The following MPHOSPH8 variants were observed in gnomAD, a reference collection of about 807,000 sequenced individuals.
MPHOSPH8 encodes the protein M-phase phosphoprotein 8.
In MPHOSPH8, 45 loss-of-function variants were observed where a neutral mutation model predicts 87.3. The observed-to-expected ratio is 0.52, with a 90% CI of 0.41 to 0.66. The LOEUF (loss-of-function observed/expected upper bound fraction) is 0.66, where lower values mean the gene tolerates loss of function less well. Ranked by LOEUF, MPHOSPH8 falls within the 30% of genes least tolerant of loss-of-function variation. The probability of loss-of-function intolerance (pLI) is 0.00; values close to 1 mark genes in which losing one functional copy is unlikely to be tolerated. For synonymous variants in MPHOSPH8, 366 were observed against 376.9 expected (o/e 0.97, Z 0.33); for missense variants, 883 against 1,020.2 (o/e 0.87, Z 1.83).
chr13:19,656,289 A>C (rs1308240118), intron 5 of MPHOSPH8, among the ~76,000 whole-genome samples: 1 of 150,974 alleles, frequency 6.6e-6, no homozygotes, highest in Non-Finnish European at 1.5e-5. Context: ...AAAAAAAAAA[A>C]AAAAAAAAAA....
At chr13:19,665,792 T>C (rs1001024024) in intron 9 of MPHOSPH8, among the ~76,000 whole-genome samples, 1 of 152,292 alleles carries the variant, frequency 6.6e-6, no homozygotes, top group African/African-American at 2.4e-5. Context: ...TCAGAAGAAT[T>C]AAGGGACTTA....
intron 10 of MPHOSPH8, among the ~76,000 whole-genome samples, chr13:19,667,004 A>G (rs1032439920): frequency 6.6e-6 from 1 of 152,100 alleles, no homozygotes; most frequent in African/African-American, 2.4e-5. Context: ...TCTACTAAAA[A>G]TACAAAAATT....
chr13:19,647,261 A>G lies in MPHOSPH8; in HGVS notation c.1188A>G (p.Arg396=), dbSNP rs771563719. Residue 396 remains arginine, a synonymous_variant, in exon 3 of 14, where the codon AGA becomes AGG. Transcript: ENST00000361479. ...GCCGGAGGTTGAGCGGGGAAGAGAGAGGCCTCTGGTCCACGGACTCAGCCG... is the reference window on the plus strand; with the variant it reads ...GCCGGAGGTTGAGCGGGGAAGAGAGGGGCCTCTGGTCCACGGACTCAGCCG... The part of the protein sequence containing the change: ...PKGRRLSGEE[R]GLWSTDSAEE... The G allele has an allele frequency of 6.2e-7, 1 of 1,609,230 alleles. No individual in the cohort carries two copies. The highest frequency in any genetic ancestry group is 1.7e-5 in the Admixed American group (1 of 58,464).
intron 3 of MPHOSPH8, 70 bp from the exon 4 acceptor site, chr13:19,648,352 C>A: frequency 2.1e-6 from 2 of 951,726 alleles, no homozygotes; most frequent in Non-Finnish European, 3.2e-6. Context: ...CCTGTATTTT[C>A]CGGTTCTCAA....
rs757881700 is a variant in MPHOSPH8 at position 19,646,910 on chromosome 13, T to G, written c.837T>G (p.Ser279Arg). Reference sequence around the variant, plus strand: ...ATTCTCCCTTTCCAGAGGATGACAGTGAAGGGCTACATTCCGACAGCAGAG... The same window carrying G: ...ATTCTCCCTTTCCAGAGGATGACAGGGAAGGGCTACATTCCGACAGCAGAG... ...LNDSPFPEDDSEGLHSDSREE... is the reference protein window; with the variant it reads ...LNDSPFPEDDREGLHSDSREE... Residue 279 changes from serine (S) to arginine (R), a missense_variant, in exon 3 of 14, where the codon AGT becomes AGG. This residue lies in a region of MPHOSPH8 where 741 missense variants were observed against 841.5 expected (regional missense o/e 0.88). Transcript: ENST00000361479. 12 of 1,603,268 alleles carry G rather than the reference T, an allele frequency of 7.5e-6. No individual in the cohort carries two copies. The highest frequency in any genetic ancestry group is 1.0e-5 in the Non-Finnish European group (12 of 1,177,658).
At chr13:19,666,393 A>G (rs1445435503) in intron 9 of MPHOSPH8, 32 bp from the exon 10 acceptor site, 2 of 1,582,124 alleles carry the variant, frequency 1.3e-6, no homozygotes, top group Non-Finnish European at 8.7e-7. Flanking sequence ...GTTTACAGCT[A>G]AGTAATTGTT....
At chr13:19,645,497 C>T (rs983500515) in intron 2 of MPHOSPH8, among the ~76,000 whole-genome samples, 38 of 152,210 alleles carry the variant, frequency 2.5e-4, no homozygotes, top group African/African-American at 8.4e-4. Context: ...TCTGGCCAGG[C>T]GCCGTGGCTC....
In MPHOSPH8 at chr13:19,646,438, T is replaced by C; in HGVS notation, c.370-5T>C. On this transcript the variant is annotated splice_polypyrimidine_tract_variant and splice_region_variant and intron_variant, in intron 2 of 13. Transcript: ENST00000361479. ...GAATATTTTAATCTGTTTTGTATTT[T>C]ATAGAGACTATCCTTAAATAACGAC... 4 of 1,464,266 alleles carry C rather than the reference T, an allele frequency of 2.7e-6. No homozygotes were observed. The highest frequency in any genetic ancestry group is 3.6e-6 in the Non-Finnish European group (4 of 1,110,914). The allele number at this position is 1,464,266 out of a possible 1,614,324, so 90.7% of individuals were successfully genotyped here.
Position 19,673,011 on chromosome 13 carries a change from G to A in MPHOSPH8, c.*1136G>A, listed in dbSNP as rs1479819920. Reference sequence around the variant, plus strand: ...GTCAAGGCTGCAGTGAGCCGTGAAAGGCCACTGCACTCCAGCCTGAGTGAC... The same window carrying A: ...GTCAAGGCTGCAGTGAGCCGTGAAAAGCCACTGCACTCCAGCCTGAGTGAC... On this transcript the variant is annotated 3_prime_UTR_variant, in exon 14 of 14. Transcript: ENST00000361479. 1.4e-5 allele frequency: 6 copies of A among 432,334 alleles called. No individual in the cohort carries two copies. Among genetic ancestry groups the A allele is most frequent in the Admixed American group, 1.1e-4 (4 of 35,900 alleles). The allele number at this position is 432,334 out of a possible 1,614,324, so 26.8% of individuals were successfully genotyped here.
intron 1 of MPHOSPH8, among the ~76,000 whole-genome samples, chr13:19,638,666 A>G (rs78024303): frequency 0.01 from 1,572 of 152,188 alleles, 22 homozygotes; most frequent in Middle Eastern, 0.017. Flanking sequence ...TCTTGAGTTC[A>G]GATTCTACTC....
intron 5 of MPHOSPH8, among the ~76,000 whole-genome samples, chr13:19,655,324 T>TGG (rs2137525343): frequency 6.6e-6 from 1 of 152,128 alleles, no homozygotes; most frequent in East Asian, 1.9e-4. Context: ...TTAAAAAAGC[T>TGG]GGGTGTGGTA....
chr13:19,661,896 T>C, intron 8 of MPHOSPH8, 58 bp downstream of exon 8: 1 of 1,525,528 alleles, frequency 6.6e-7, no homozygotes, highest in South Asian at 1.3e-5. Context: ...GCCGATGGAC[T>C]GAGAGGATCT....
chr13:19,663,034 T>G lies in MPHOSPH8; in HGVS notation c.1933-6T>G, dbSNP rs766611442. 2 of 1,606,146 alleles carry G rather than the reference T, an allele frequency of 1.2e-6. No homozygotes were observed. Among genetic ancestry groups the G allele is most frequent in the Non-Finnish European group, 1.7e-6 (2 of 1,174,432 alleles). ...AAATTAAATTTGCCTTTTTTTCTTT[T>G]CATAGAACTTTTTAACAACAGTGGC... On this transcript the variant is annotated splice_region_variant and splice_polypyrimidine_tract_variant and intron_variant, in intron 8 of 13. Transcript: ENST00000361479.
At position 19,671,983 on chromosome 13, in the gene MPHOSPH8, CCT is replaced by C. The variant is rs1876156747; in HGVS notation, c.*111_*112del. 2 of 1,150,098 alleles carry C rather than the reference CCT, an allele frequency of 1.7e-6. No homozygotes were observed. The highest frequency in any genetic ancestry group is 2.6e-6 in the Non-Finnish European group (2 of 777,018). 71.2% of individuals were successfully genotyped at this position (1,150,098 alleles called of 1,614,324 possible). On this transcript the variant is annotated 3_prime_UTR_variant, in exon 14 of 14. Transcript: ENST00000361479. ...ATCTATGTAAAGTTTTGTCTGTAAA[CCT>C]CTTGCAGTTAAGCCTGTTGTCTGTT...
chr13:19,663,768 G>A lies in MPHOSPH8; in HGVS notation c.2019+642G>A, dbSNP rs1012491951. Among the ~76,000 whole-genome samples the A allele has an allele frequency of 9.2e-5, 14 of 152,056 alleles. 1 individual carries two copies. Among genetic ancestry groups the A allele is most frequent in the Admixed American group, 7.9e-4 (12 of 15,276 alleles). Reference sequence around the variant, plus strand: ...TCCAGACACCCAGCCAGTGGTGGCCGGCTCAGCTCCCTGTGGGGACCTGTC... The same window carrying A: ...TCCAGACACCCAGCCAGTGGTGGCCAGCTCAGCTCCCTGTGGGGACCTGTC... On this transcript the variant is annotated intron_variant, in intron 9 of 13. Transcript: ENST00000361479.
rs113584211 is a variant in MPHOSPH8 at position 19,671,384 on chromosome 13, G to T, written c.2541+95G>T. ...GAAAAAAAATTCCAAGAATCCTGGT[G>T]TACCTGTCCTAGAGACAGGCACTCC... On this transcript the variant is annotated intron_variant, in intron 13 of 13. Transcript: ENST00000361479. The T allele has an allele frequency of 4.4e-6, 5 of 1,129,234 alleles. No individual in the cohort carries two copies. The African/African-American group carries it at 4.6e-5, about 10-fold the overall frequency. 70.0% of individuals were successfully genotyped at this position (1,129,234 alleles called of 1,614,324 possible).
chr13:19,644,011 G>A (rs751797861), intron 2 of MPHOSPH8, among the ~76,000 whole-genome samples: 74 of 152,196 alleles, frequency 4.9e-4, no homozygotes, highest in Admixed American at 8.5e-4. Context: ...TACTGTGAAT[G>A]ACAAACAGTA....
chr13:19,635,188 C>T (rs1031025874), intron 1 of MPHOSPH8, among the ~76,000 whole-genome samples: 1 of 152,194 alleles, frequency 6.6e-6, no homozygotes, highest in Admixed American at 6.5e-5. Context: ...GTATCACTTG[C>T]ATTTAACACA....
chr13:19,653,720 C>T (rs2137522433), intron 5 of MPHOSPH8, among the ~76,000 whole-genome samples: 1 of 152,248 alleles, frequency 6.6e-6, no homozygotes, highest in East Asian at 1.9e-4. Context: ...CAGAAATGAC[C>T]TGATGGAGCT....
Sources: gnomAD v4.1 joint callset for allele counts (sites outside exome capture counted in the v4.1 genomes callset) on GRCh38, gnomAD v4.1.1 for gene constraint, gnomAD v4.1.1 regional missense constraint, MANE v1.5 for transcripts, NCBI Gene and HGNC (gene_info 2026-07-23, HGNC 2026-07-21) for gene names.